DPP9: variants seen among roughly 807,000 people sequenced by gnomAD.
DPP9 encodes dipeptidyl peptidase 9, also known as dipeptidyl peptidase IV-related protein-2.
DPP9 carries 50 observed loss-of-function variants against 110.7 expected under a neutral mutation model. The ratio of observed to expected loss-of-function variants is 0.45; its 90% CI spans 0.36 to 0.57. The LOEUF (loss-of-function observed/expected upper bound fraction) is 0.57, where lower values mean the gene tolerates loss of function less well. Among genes scored for constraint, DPP9 ranks in the 20% least tolerant of loss-of-function variants. The probability of loss-of-function intolerance (pLI) is 0.00; values close to 1 mark genes in which losing one functional copy is unlikely to be tolerated. For synonymous variants in DPP9, 561 were observed against 514.4 expected, an observed-to-expected ratio of 1.09 and a Z score of -1.23; for missense variants, 1,022 against 1,217.9, an observed-to-expected ratio of 0.84 and a Z score of 2.39.
Position 4,684,841 on chromosome 19 carries a change from C to G in DPP9, c.2032-32G>C, listed in dbSNP as rs376410442. On this transcript the variant is annotated intron_variant, in intron 17 of 21. Coordinates refer to ENST00000262960, the MANE Select transcript of DPP9 (RefSeq NM_139159.5). This position sits in a 1 kb window ranked among gnomAD's most constrained non-coding sequence, Gnocchi z 4.8. ...GGAGGTGAGGGCCAGCAGTCCAGCA[C>G]GAGATGCCGGGCAGGACGGGCCTGG... The G allele has an allele frequency of 3.6e-5, 57 of 1,575,412 alleles. No homozygotes were observed. In the South Asian group the frequency reaches 4.4e-4, roughly 12 times the overall value.
intron 21 of DPP9, among the ~76,000 whole-genome samples, chr19:4,677,956 G>A (rs2089128270): frequency 6.6e-6 from 1 of 152,176 alleles, no homozygotes; most frequent in African/African-American, 2.4e-5. Flanking sequence ...TGGGGTCTTT[G>A]AAACAGAAGG....
intron 14 of DPP9, among the ~76,000 whole-genome samples, chr19:4,690,431 C>T (rs543069601): frequency 9.4e-4 from 143 of 152,282 alleles, no homozygotes; most frequent in African/African-American, 3.2e-3. Flanking sequence ...GACCCTAAGA[C>T]GTGAAGAAAC....
At chr19:4,697,800 G>A (rs2091927945) in intron 10 of DPP9, 149 bp from the exon 11 acceptor site, 2 of 638,456 alleles carry the variant, frequency 3.1e-6, no homozygotes, top group African/African-American at 1.8e-5. Flanking sequence ...AACCTTCTTT[G>A]GAAATGGGGC....
intron 20 of DPP9, among the ~76,000 whole-genome samples, 161 bp from the exon 21 acceptor site, chr19:4,680,107 G>A (rs892147066): frequency 5.9e-5 from 9 of 151,988 alleles, no homozygotes; most frequent in African/African-American, 2.2e-4. Flanking sequence ...CATGGTGGCA[G>A]GTGCCTGAAA....
intron 9 of DPP9, among the ~76,000 whole-genome samples, chr19:4,701,341 A>G (rs904276416): frequency 7.2e-5 from 11 of 152,112 alleles, no homozygotes; most frequent in Admixed American, 6.6e-4. Flanking sequence ...GGTGGCACAC[A>G]CCTGTAGTCC....
At position 4,694,974 on chromosome 19, in the gene DPP9, A is replaced by G. The variant is rs1239718044; in HGVS notation, c.1354-151T>C. 1 of 672,010 alleles carries G rather than the reference A, an allele frequency of 1.5e-6. No individual in the cohort carries two copies. The highest frequency in any genetic ancestry group is 2.5e-6 in the Non-Finnish European group (1 of 401,294). The allele number at this position is 672,010 out of a possible 1,614,324, so 41.6% of individuals were successfully genotyped here. On this transcript the variant is annotated intron_variant, in intron 12 of 21. Coordinates refer to ENST00000262960, the MANE Select transcript of DPP9 (RefSeq NM_139159.5). This position sits in a 1 kb window ranked among gnomAD's most constrained non-coding sequence, Gnocchi z 4.0. ...AGACCAGCCTGGACAACATAGTAAGACCCCACCTCTAAAAATAAATAAATA... is the reference window on the plus strand; with the variant it reads ...AGACCAGCCTGGACAACATAGTAAGGCCCCACCTCTAAAAATAAATAAATA...
rs558200554 is a variant in DPP9, at chr19:4,694,885, C to T, written c.1354-62G>A. On this transcript the variant is annotated intron_variant, in intron 12 of 21. Coordinates refer to ENST00000262960, the MANE Select transcript of DPP9 (RefSeq NM_139159.5). This position sits in a 1 kb window ranked among gnomAD's most constrained non-coding sequence, Gnocchi z 4.0. ...GTGGGTGGCCGGGCATGGTGGCTCA[C>T]ACCAGTAATCCCAGTAGTTTGGGAG... 286 of 1,547,794 alleles carry T rather than the reference C, an allele frequency of 1.8e-4. No homozygotes were observed. The highest frequency in any genetic ancestry group is 2.3e-4 in the Non-Finnish European group (265 of 1,131,346).
At position 4,700,809 on chromosome 19, in the gene DPP9, G is replaced by A. The variant is rs1227849335; in HGVS notation, c.1013-532C>T. ...AAGAGTGGGACTTAGTTCAGGCTCC[G>A]AAAGAGGGCGCGGGCCACAGCAGAG... On this transcript the variant is annotated intron_variant, in intron 9 of 21. Coordinates refer to ENST00000262960, the MANE Select transcript of DPP9 (RefSeq NM_139159.5). The surrounding 1 kb of genome is among the most constrained non-coding windows in gnomAD (Gnocchi z 4.3). Among the ~76,000 whole-genome samples, 4 of 152,192 alleles carry A rather than the reference G, an allele frequency of 2.6e-5. No individual in the cohort carries two copies. Among genetic ancestry groups the A allele is most frequent in the South Asian group, 2.1e-4 (1 of 4,834 alleles).
chr19:4,722,226 C>A, intron 2 of DPP9: 1 of 451,044 alleles, frequency 2.2e-6, no homozygotes. Flanking sequence ...ATCCAGGCAC[C>A]CCTCCACCAA....
chr19:4,689,736 G>C lies in DPP9; in HGVS notation c.1597-14C>G. The C allele has an allele frequency of 1.3e-6, 2 of 1,541,158 alleles. No homozygotes were observed. Among genetic ancestry groups the C allele is most frequent in the Non-Finnish European group, 1.8e-6 (2 of 1,139,920 alleles). On this transcript the variant is annotated splice_polypyrimidine_tract_variant and intron_variant, in intron 14 of 21. Transcript: ENST00000262960. The surrounding 1 kb of genome is among the most constrained non-coding windows in gnomAD (Gnocchi z 7.0). Reference sequence around the variant, plus strand: ...ATTGACCCAGATCTGCAGGGGGACAGGGGATCCTCGTGATGCGTCCCAGAT... The same window carrying C: ...ATTGACCCAGATCTGCAGGGGGACACGGGATCCTCGTGATGCGTCCCAGAT...
chr19:4,712,036 A>G (rs1232564540), intron 4 of DPP9, among the ~76,000 whole-genome samples: 1 of 152,166 alleles, frequency 6.6e-6, no homozygotes, highest in Non-Finnish European at 1.5e-5. Context: ...TCACAATGGC[A>G]GCCACAGAAA....
In DPP9 at chr19:4,676,557, G is replaced by GT. The variant is rs761741184; in HGVS notation, c.*6_*7insA. On this transcript the variant is annotated 3_prime_UTR_variant, in exon 22 of 22. Transcript: ENST00000262960. The surrounding 1 kb of genome is among the most constrained non-coding windows in gnomAD (Gnocchi z 4.0). Reference sequence around the variant, plus strand: ...TGCTGTGATGTGGCGGCTCCCGGTGGGCAGGCTCAGAGGTATTCCTGTAGA... The same window carrying GT: ...TGCTGTGATGTGGCGGCTCCCGGTGGTGCAGGCTCAGAGGTATTCCTGTAGA... The GT allele has an allele frequency of 1.9e-6, 3 of 1,587,738 alleles. No individual in the cohort carries two copies. Among genetic ancestry groups the GT allele is most frequent in the Non-Finnish European group, 2.6e-6 (3 of 1,167,982 alleles).
At chr19:4,720,491 C>G (rs996743940) in intron 2 of DPP9, among the ~76,000 whole-genome samples, 6 of 152,328 alleles carry the variant, frequency 3.9e-5, no homozygotes, top group African/African-American at 9.6e-5. Context: ...GAGGTCTTTC[C>G]TGAGCACCCC....
At chr19:4,677,143 C>T (rs897498154) in intron 21 of DPP9, among the ~76,000 whole-genome samples, 6 of 152,090 alleles carry the variant, frequency 3.9e-5, no homozygotes, top group East Asian at 1.9e-4. Flanking sequence ...GTCCTCTTAG[C>T]GCCCAAGGGG....
rs1454553759 is a variant in DPP9 at position 4,676,378 on chromosome 19, C to G, written c.*186G>C. 3.3e-6 allele frequency: 2 copies of G among 603,286 alleles called. No individual in the cohort carries two copies. Among genetic ancestry groups the G allele is most frequent in the Non-Finnish European group, 5.9e-6 (2 of 336,968 alleles). The allele number at this position is 603,286 out of a possible 1,614,324, so 37.4% of individuals were successfully genotyped here. On this transcript the variant is annotated 3_prime_UTR_variant, in exon 22 of 22. Transcript: ENST00000262960. This position sits in a 1 kb window ranked among gnomAD's most constrained non-coding sequence, Gnocchi z 4.0. ...ACCAAGAAGCAGCGGACATAAAACC[C>G]AAGAGCGTTTAAAAAAGGATAAAAG...
At position 4,679,867 on chromosome 19, in the gene DPP9, G is replaced by A. The variant is rs1240667893; in HGVS notation, c.2554C>T (p.Leu852=). The A allele has an allele frequency of 6.2e-7, 1 of 1,613,486 alleles. No individual in the cohort carries two copies. Among genetic ancestry groups the A allele is most frequent in the Non-Finnish European group, 8.5e-7 (1 of 1,179,758 alleles). The change falls in exon 21 of 22, where the codon CTG becomes TTG. Residue 852 remains leucine, a synonymous_variant. Coordinates refer to ENST00000262960, the MANE Select transcript of DPP9 (RefSeq NM_139159.5). ...FFHTNFLVSQ[L]IRAGKPYQLQ... ...TGGTAAGGTTTCCCTGCTCGGATCAGTTGGGAGACGAGGAAGTTTGTGTGG... is the reference window on the plus strand; with the variant it reads ...TGGTAAGGTTTCCCTGCTCGGATCAATTGGGAGACGAGGAAGTTTGTGTGG...
chr19:4,680,089 T>G (rs886767685), intron 20 of DPP9, 143 bp from the exon 21 acceptor site: 1 of 593,550 alleles, frequency 1.7e-6, no homozygotes, highest in Admixed American at 2.9e-5. Flanking sequence ...TAAAAAAAAT[T>G]AGCCAGGCAT....
intron 1 of DPP9, 34 bp downstream of exon 1, chr19:4,723,640 C>G (rs1053320574): frequency 6.4e-6 from 1 of 157,072 alleles, no homozygotes; most frequent in Non-Finnish European, 1.4e-5. Context: ...AGGGTCGCGG[C>G]CGGGGCGGGA....
chr19:4,684,465 G>A lies in DPP9; in HGVS notation c.2178+198C>T, dbSNP rs1442372915. ...CACAACTTGTCTCTGTCCCTGCAGG[G>A]CGCAGCCCAGAGCTGAGCAGCAAAG... On this transcript the variant is annotated intron_variant, in intron 18 of 21. Coordinates refer to ENST00000262960, the MANE Select transcript of DPP9 (RefSeq NM_139159.5). This position sits in a 1 kb window ranked among gnomAD's most constrained non-coding sequence, Gnocchi z 4.8. 1.3e-5 allele frequency: 8 copies of A among 627,608 alleles called. No homozygotes were observed. The East Asian group carries it at 2.0e-4, about 15-fold the overall frequency. The allele number at this position is 627,608 out of a possible 1,614,324, so 38.9% of individuals were successfully genotyped here.
Sources: allele counts gnomAD v4.1 joint callset (sites outside exome capture counted in the v4.1 genomes callset), GRCh38; gene constraint gnomAD v4.1.1; non-coding constraint Gnocchi (gnomAD v3.1); transcripts MANE v1.5; gene names NCBI Gene and HGNC (gene_info 2026-07-23, HGNC 2026-07-21).